Variants in PCDHA7 observed in about 807,000 individuals in gnomAD.
The protein encoded by PCDHA7 is protocadherin alpha-7.
A neutral mutation model predicts 57.2 loss-of-function variants in PCDHA7; 37 were observed. The observed-to-expected ratio is 0.65, with a 90% CI of 0.50 to 0.85. The LOEUF is 0.85. Among genes scored for constraint, PCDHA7 ranks in the 40% least tolerant of loss-of-function variants. The probability of loss-of-function intolerance (pLI) is 0.00; values close to 1 mark genes in which losing one functional copy is unlikely to be tolerated. For missense variants in PCDHA7, 1,188 were observed against 1,241.8 expected (o/e 0.96, Z 0.65); for synonymous variants, 553 against 558.8 (o/e 0.99, Z 0.15).
chr5:140,967,053 G>A (rs1563359791), intron 1 of PCDHA7: 4 of 1,612,648 alleles, frequency 2.5e-6, no homozygotes, highest in Non-Finnish European at 3.4e-6. Flanking sequence ...GACCTGACGA[G>A]TGGAGCGCTC....
At chr5:140,997,510 C>T (rs536611731) in intron 3 of PCDHA7, among the ~76,000 whole-genome samples, 60 of 152,102 alleles carry the variant, frequency 3.9e-4, no homozygotes, top group Non-Finnish European at 6.9e-4. Context: ...CATACCTAAA[C>T]GCAGAAAAAG....
chr5:140,893,863 A>G (rs568224949), intron 1 of PCDHA7, among the ~76,000 whole-genome samples: 1 of 152,300 alleles, frequency 6.6e-6, no homozygotes, highest in African/African-American at 2.4e-5. Context: ...GTATAGAAAC[A>G]ACCCAGATCC....
intron 1 of PCDHA7, among the ~76,000 whole-genome samples, chr5:140,933,263 A>G (rs1374246908): frequency 6.6e-6 from 1 of 151,986 alleles, no homozygotes; most frequent in Non-Finnish European, 1.5e-5. Context: ...AAAGGTTATT[A>G]TATATTCATT....
chr5:140,883,451 T>A (rs2153394032), intron 1 of PCDHA7: 1 of 1,614,144 alleles, frequency 6.2e-7, no homozygotes, highest in Non-Finnish European at 8.5e-7. Context: ...GCATGTCCCC[T>A]TCAAGCTGGT....
rs2150217991 is a variant in PCDHA7, at chr5:140,834,438, A to G, written c.55A>G (p.Ile19Val). 6.2e-7 allele frequency: 1 copy of G among 1,606,228 alleles called. No individual in the cohort carries two copies. The highest frequency in any genetic ancestry group is 1.1e-5 in the South Asian group (1 of 88,662). ...PGGRHLLLFI[I>V]ILAAWEAGRG... The stretch of plus-strand genomic sequence containing the variant: ...GGGCCGACATCTACTGCTGTTTATT[A>G]TAATTCTAGCAGCTTGGGAGGCAGG... Residue 19 changes from isoleucine to valine, a missense_variant, in exon 1 of 4, where the codon ATA (isoleucine) becomes GTA (valine). By Grantham distance (29) the Ile-to-Val change is conservative. This residue lies in a region of PCDHA7 where 194 missense variants were observed against 185.8 expected (regional missense o/e 1.04). Coordinates refer to ENST00000525929, the MANE Select transcript of PCDHA7 (RefSeq NM_018910.3).
intron 1 of PCDHA7, chr5:140,928,126 C>T (rs782461261): frequency 1.2e-6 from 2 of 1,614,176 alleles, no homozygotes; most frequent in Non-Finnish European, 1.7e-6. Context: ...CAGTGAATAC[C>T]AAGTCCTGAT....
chr5:140,835,781 G>C lies in PCDHA7; in HGVS notation c.1398G>C (p.Glu466Asp), dbSNP rs1447627598. Residue 466 changes from glutamate to aspartate, a missense_variant, in exon 1 of 4, where the codon GAG becomes GAC. By Grantham distance (45) the Glu-to-Asp change is conservative. This residue lies in a region of PCDHA7 where 892 missense variants were observed against 788.5 expected (regional missense o/e 1.13). Transcript: ENST00000525929. Reference protein sequence around the residue: ...AQPEYTVFVKENNPPGCHIFT... With the variant: ...AQPEYTVFVKDNNPPGCHIFT... ...CCGAGTATACGGTGTTCGTGAAGGA[G>C]AACAACCCGCCGGGCTGCCACATCT... 1.9e-6 allele frequency: 3 copies of C among 1,613,162 alleles called. No individual in the cohort carries two copies. Among genetic ancestry groups the C allele is most frequent in the Non-Finnish European group, 2.5e-6 (3 of 1,179,786 alleles).
At chr5:140,857,904 T>A (rs781796196) in intron 1 of PCDHA7, 3 of 1,597,710 alleles carry the variant, frequency 1.9e-6, no homozygotes, top group Admixed American at 3.4e-5. Context: ...GGTGCACGCA[T>A]CCCGTTTCGC....
In PCDHA7 at chr5:140,839,940, AAGG is replaced by A. The variant is rs1354823324; in HGVS notation, c.2355+3205_2355+3207del. ...AACCTTGAACAAAGAGTGTGCCAAG[AAGG>A]AGACAACATATTTTCTGTAAAATAT... is the stretch of plus-strand genomic sequence containing the variant. On this transcript the variant is annotated intron_variant, in intron 1 of 3. Coordinates refer to ENST00000525929, the MANE Select transcript of PCDHA7 (RefSeq NM_018910.3). Among the ~76,000 whole-genome samples the A allele has an allele frequency of 2.0e-5, 3 of 152,174 alleles. No homozygotes were observed. In the East Asian group the frequency reaches 5.8e-4, roughly 29 times the overall value.
intron 1 of PCDHA7, among the ~76,000 whole-genome samples, chr5:140,880,869 G>A (rs1017640769): frequency 2.0e-5 from 3 of 152,064 alleles, no homozygotes; most frequent in Non-Finnish European, 4.4e-5. Context: ...TATGTGAAGA[G>A]GTAAATAAAG....
At chr5:140,850,812 A>T in intron 1 of PCDHA7, 1 of 1,598,316 alleles carries the variant, frequency 6.3e-7, no homozygotes, top group Non-Finnish European at 8.6e-7. Context: ...CATGGCCTTC[A>T]GCCCGGGCCT....
chr5:140,922,337 T>C lies in PCDHA7; in HGVS notation c.2356-56612T>C, dbSNP rs150639608. On this transcript the variant is annotated intron_variant, in intron 1 of 3. Transcript: ENST00000525929. ...GAAGATCTTGGAAAGGGTTGGTATA[T>C]TGGTATTTTCTAGAGTAGTGATTCT... Among the ~76,000 whole-genome samples the C allele has an allele frequency of 3.4e-3, 512 of 152,346 alleles. 3 individuals carry two copies. The highest frequency in any genetic ancestry group is 0.012 in the African/African-American group (489 of 41,580).
chr5:140,969,148 G>A, intron 1 of PCDHA7: 2 of 1,614,102 alleles, frequency 1.2e-6, no homozygotes, highest in Non-Finnish European at 8.5e-7. Context: ...ACTGCTACAA[G>A]GCCTGTCTGA....
intron 1 of PCDHA7, chr5:140,849,292 C>T (rs1472038377): frequency 1.5e-5 from 18 of 1,231,626 alleles, no homozygotes; most frequent in African/African-American, 1.8e-5. Flanking sequence ...CACCCCAATG[C>T]CTCAGATTTA....
intron 1 of PCDHA7, chr5:140,877,750 T>C (rs782654875): frequency 6.2e-7 from 1 of 1,614,146 alleles, no homozygotes; most frequent in Non-Finnish European, 8.5e-7. Flanking sequence ...GAGGGTGTGC[T>C]CTGCAGAGAG....
At chr5:140,941,210 T>C (rs199663607) in intron 1 of PCDHA7, among the ~76,000 whole-genome samples, 3,757 of 100,378 alleles carry the variant, frequency 0.037, 93 homozygotes, top group African/African-American at 0.096. Context: ...TTCCTTTCTT[T>C]CTTCCTTTCT....
At chr5:141,004,156 A>G (rs2098155888) in intron 3 of PCDHA7, among the ~76,000 whole-genome samples, 1 of 152,248 alleles carries the variant, frequency 6.6e-6, no homozygotes, top group Admixed American at 6.5e-5. Flanking sequence ...GACATTTTAT[A>G]GGCAAAGCCA....
At chr5:140,895,092 G>A (rs2064837860) in intron 1 of PCDHA7, among the ~76,000 whole-genome samples, 1 of 152,090 alleles carries the variant, frequency 6.6e-6, no homozygotes, top group Admixed American at 6.5e-5. Flanking sequence ...CCTCAGTATA[G>A]GGGTTTTTGC....
chr5:140,854,565 T>C (rs2043162230), intron 1 of PCDHA7: 1 of 150,016 alleles, frequency 6.7e-6, no homozygotes, highest in Non-Finnish European at 1.5e-5. Context: ...ATTGTTGCTC[T>C]GTCATTCAGA....
Sources: allele counts gnomAD v4.1 joint callset (sites outside exome capture counted in the v4.1 genomes callset), GRCh38; gene constraint gnomAD v4.1.1; regional missense constraint gnomAD v4.1.1; transcripts MANE v1.5; gene names NCBI Gene and HGNC (gene_info 2026-07-23, HGNC 2026-07-21).